The following C8orf89 variants were observed in gnomAD, a reference collection of about 807,000 sequenced individuals.
C8orf89 encodes chromosome 8 open reading frame 89.
C8orf89 carries 14 observed loss-of-function variants against 15.8 expected under a neutral mutation model. The ratio of observed to expected loss-of-function variants is 0.89; its 90% CI spans 0.59 to 1.39. The LOEUF is 1.39. Ranked by LOEUF, C8orf89 falls within the 40% of genes most tolerant of loss-of-function variation. C8orf89 has a pLI of 0.00. For missense variants in C8orf89, 181 were observed against 184.5 expected (o/e 0.98, Z 0.11); for synonymous variants, 55 against 62.2 (o/e 0.88, Z 0.54).
upstream of C8orf89, among the ~76,000 whole-genome samples, chr8:73,262,940 G>A (rs537559509): frequency 3.1e-4 from 47 of 152,114 alleles, no homozygotes; most frequent in African/African-American, 9.2e-4. Flanking sequence ...CTGTAAACAC[G>A]GTCTCTACCT....
intron 2 of C8orf89, among the ~76,000 whole-genome samples, chr8:73,256,768 G>A (rs541689900): frequency 1.4e-5 from 2 of 142,466 alleles, no homozygotes; most frequent in East Asian, 2.1e-4. Context: ...ATCTTTTCTG[G>A]TAACATCACT....
At chr8:73,273,594 C>T in the C8orf89 span, among the ~76,000 whole-genome samples, 1 of 152,110 alleles carries the variant, frequency 6.6e-6, no homozygotes, top group African/African-American at 2.4e-5. Flanking sequence ...CCATGGGCAC[C>T]ATGGACGGCA....
At chr8:73,262,494 A>G (rs1307266423), upstream of C8orf89, among the ~76,000 whole-genome samples, 1 of 152,140 alleles carries the variant, frequency 6.6e-6, no homozygotes, top group Non-Finnish European at 1.5e-5. Flanking sequence ...TGTGTATTTG[A>G]AATTTTCCAA....
At chr8:73,250,018 GA>G (rs1245414637) in intron 3 of C8orf89, among the ~76,000 whole-genome samples, 1 of 152,102 alleles carries the variant, frequency 6.6e-6, no homozygotes, top group Non-Finnish European at 1.5e-5. Context: ...TTCAAAACAA[GA>G]AGACCAGTTT....
intron 2 of C8orf89, among the ~76,000 whole-genome samples, chr8:73,254,336 A>T (rs901393672): frequency 2.6e-5 from 4 of 152,006 alleles, no homozygotes; most frequent in Non-Finnish European, 4.4e-5. Flanking sequence ...TCGTTTTGCC[A>T]GTATTTTATT....
At chr8:73,265,351 A>G in the C8orf89 span, among the ~76,000 whole-genome samples, 3 of 152,224 alleles carry the variant, frequency 2.0e-5, no homozygotes, top group Non-Finnish European at 4.4e-5. Flanking sequence ...TTTGGATTTT[A>G]TTCTACGTGC....
At chr8:73,255,176 C>A (rs1356896752) in intron 2 of C8orf89, among the ~76,000 whole-genome samples, 1 of 151,992 alleles carries the variant, frequency 6.6e-6, no homozygotes, top group African/African-American at 2.4e-5. Context: ...TCAGAGTGAA[C>A]AGGCAACCTA....
intron 3 of C8orf89, among the ~76,000 whole-genome samples, chr8:73,246,737 A>G (rs1451381346): frequency 6.6e-6 from 1 of 152,178 alleles, no homozygotes; most frequent in Non-Finnish European, 1.5e-5. Context: ...TGTTGATTAC[A>G]GAAATTGTTT....
chr8:73,246,524 G>A (rs930057403), intron 3 of C8orf89, among the ~76,000 whole-genome samples: 4 of 152,238 alleles, frequency 2.6e-5, no homozygotes, highest in Admixed American at 6.5e-5. Context: ...GATTACAGGC[G>A]CACACCACAA....
upstream of C8orf89, among the ~76,000 whole-genome samples, chr8:73,260,114 C>T (rs1404879543): frequency 6.6e-6 from 1 of 152,106 alleles, no homozygotes; most frequent in Non-Finnish European, 1.5e-5. Context: ...TTCATTCATG[C>T]AAAATAAATT....
intron 3 of C8orf89, among the ~76,000 whole-genome samples, chr8:73,247,210 T>C (rs923713881): frequency 6.9e-6 from 1 of 145,812 alleles, no homozygotes; most frequent in Non-Finnish European, 1.5e-5. Flanking sequence ...CACACCCTCC[T>C]GCATTAGTTT....
intron 3 of C8orf89, among the ~76,000 whole-genome samples, chr8:73,245,361 T>C (rs1813102892): frequency 6.6e-6 from 1 of 152,226 alleles, no homozygotes; most frequent in South Asian, 2.1e-4. Flanking sequence ...ACAAAAGTTG[T>C]GTAATGGAGC....
chr8:73,257,816 A>G (rs1813432114), intron 1 of C8orf89, among the ~76,000 whole-genome samples: 1 of 152,250 alleles, frequency 6.6e-6, no homozygotes, highest in Admixed American at 6.5e-5. Context: ...AGTATTCTCT[A>G]CAAAGCAAGT....
At chr8:73,279,043 CTCT>C in the C8orf89 span, among the ~76,000 whole-genome samples, 64 of 152,314 alleles carry the variant, frequency 4.2e-4, no homozygotes, top group African/African-American at 1.5e-3. Flanking sequence ...AGTCCTTCTG[CTCT>C]TCTTCATATG....
At chr8:73,284,051 A>G in the C8orf89 span, among the ~76,000 whole-genome samples, 1 of 151,894 alleles carries the variant, frequency 6.6e-6, no homozygotes, top group African/African-American at 2.4e-5. Flanking sequence ...TTAAAAAAAA[A>G]AAAGAAAAAA....
chr8:73,265,741 T>G, the C8orf89 span, among the ~76,000 whole-genome samples: 17 of 152,196 alleles, frequency 1.1e-4, no homozygotes, highest in Non-Finnish European at 5.9e-5. Context: ...TTAGGGAGCT[T>G]TACCTGGATG....
chr8:73,272,062 A>G, the C8orf89 span, among the ~76,000 whole-genome samples: 2 of 152,192 alleles, frequency 1.3e-5, no homozygotes, highest in Non-Finnish European at 2.9e-5. Flanking sequence ...TAGGCCAAGA[A>G]TCGACTAATG....
chr8:73,247,887 G>C (rs187528789), intron 3 of C8orf89, among the ~76,000 whole-genome samples: 3 of 152,044 alleles, frequency 2.0e-5, no homozygotes, highest in Non-Finnish European at 4.4e-5. Flanking sequence ...CCATTCTGTA[G>C]GTTGTCTGTT....
the C8orf89 span, among the ~76,000 whole-genome samples, chr8:73,270,423 T>G: frequency 4.6e-5 from 7 of 152,178 alleles, no homozygotes; most frequent in Non-Finnish European, 8.8e-5. Context: ...AGAGACCTAA[T>G]CCCCTAATTT....
Sources: allele counts gnomAD v4.1 joint callset (sites outside exome capture counted in the v4.1 genomes callset), GRCh38; gene constraint gnomAD v4.1.1; transcripts MANE v1.5; gene names NCBI Gene and HGNC (gene_info 2026-07-23, HGNC 2026-07-21).